Variants in KCNK3 observed in about 807,000 individuals in gnomAD.
KCNK3 encodes potassium two pore domain channel subfamily K member 3, also known as potassium channel subfamily K member 3.
In KCNK3, 9 loss-of-function variants were observed where a neutral mutation model predicts 27.3. The observed-to-expected ratio is 0.33, with a 90% CI of 0.20 to 0.57. The LOEUF (loss-of-function observed/expected upper bound fraction) is 0.57. Among genes scored for constraint, KCNK3 ranks in the 20% least tolerant of loss-of-function variants. The probability of loss-of-function intolerance (pLI) is 0.87; values close to 1 mark genes in which losing one functional copy is unlikely to be tolerated. For missense variants in KCNK3, 391 were observed against 577.7 expected (o/e 0.68, Z 3.31); for synonymous variants, 278 against 273.8 (o/e 1.02, Z -0.15).
chr2:26,709,812 G>C (rs1663070928), intron 1 of KCNK3, among the ~76,000 whole-genome samples: 2 of 152,100 alleles, frequency 1.3e-5, no homozygotes, highest in Admixed American at 1.3e-4. Flanking sequence ...CAAGGCGATG[G>C]GCGCAGGGCT....
chr2:26,704,270 G>A (rs1316145320), intron 1 of KCNK3, among the ~76,000 whole-genome samples: 3 of 152,232 alleles, frequency 2.0e-5, no homozygotes, highest in South Asian at 2.1e-4. Flanking sequence ...GCACCGGGAC[G>A]GTGCTAAGCT....
At chr2:26,720,301 G>A (rs754417650) in intron 1 of KCNK3, among the ~76,000 whole-genome samples, 2 of 152,146 alleles carry the variant, frequency 1.3e-5, no homozygotes, top group South Asian at 2.1e-4. Context: ...GTTGAACTAC[G>A]TTGTCACACC....
intron 1 of KCNK3, among the ~76,000 whole-genome samples, chr2:26,718,019 C>T (rs1178401992): frequency 6.6e-6 from 1 of 152,192 alleles, no homozygotes; most frequent in Admixed American, 6.5e-5. Context: ...GCATCCCACA[C>T]ACCATGCATC....
rs1558607499 is a variant in KCNK3 at position 26,733,067 on chromosome 2, AC to A, written c.*4505del. 1 of 152,056 alleles carries A rather than the reference AC, an allele frequency of 6.6e-6. No homozygotes were observed. Among genetic ancestry groups the A allele is most frequent in the East Asian group, 1.9e-4 (1 of 5,160 alleles). 9.4% of individuals were successfully genotyped at this position (152,056 alleles called of 1,614,324 possible). A position where few individuals can be genotyped will look rare whatever the true frequency, so the allele number is the denominator to read the frequency against. On this transcript the variant is annotated 3_prime_UTR_variant, in exon 2 of 2. Transcript: ENST00000302909. Reference sequence around the variant, plus strand: ...CTTCTCTCCAGATGATGCCATCCCCACCCCCCTCATTTCCACACAGCATCTG... The same window carrying A: ...CTTCTCTCCAGATGATGCCATCCCCACCCCCTCATTTCCACACAGCATCTG...
intron 1 of KCNK3, among the ~76,000 whole-genome samples, 189 bp from the exon 2 acceptor site, chr2:26,727,478 G>A (rs1352554779): frequency 6.6e-6 from 1 of 152,198 alleles, no homozygotes; most frequent in Non-Finnish European, 1.5e-5. Flanking sequence ...TTCTGCAGGT[G>A]TCACAAGAGT....
intron 1 of KCNK3, among the ~76,000 whole-genome samples, chr2:26,714,506 G>A (rs1475217828): frequency 6.7e-6 from 1 of 149,160 alleles, no homozygotes; most frequent in Non-Finnish European, 1.5e-5. Context: ...GGGAGGGGTT[G>A]AGCAGGAAGG....
rs1395205274 is a variant in KCNK3 at position 26,706,950 on chromosome 2, A to G, written c.283+13792A>G. Among the ~76,000 whole-genome samples, 4 of 151,894 alleles carry G rather than the reference A, an allele frequency of 2.6e-5. No individual in the cohort carries two copies. The East Asian group carries it at 7.7e-4, about 29-fold the overall frequency. On this transcript the variant is annotated intron_variant, in intron 1 of 1. Coordinates refer to ENST00000302909, the MANE Select transcript of KCNK3 (RefSeq NM_002246.3). ...GGCTGGTGGCACCTAAAGCCCTTCC[A>G]GTTGGGGCCGTCTCTGTTGCACCTG...
intron 1 of KCNK3, among the ~76,000 whole-genome samples, chr2:26,718,731 C>G (rs1304695435): frequency 2.6e-5 from 4 of 152,124 alleles, no homozygotes; most frequent in African/African-American, 9.7e-5. Flanking sequence ...ACCTCAGACT[C>G]TTGAGTAGCT....
intron 1 of KCNK3, among the ~76,000 whole-genome samples, chr2:26,714,410 G>A (rs1235627197): frequency 1.8e-3 from 2 of 1,124 alleles, no homozygotes; most frequent in Non-Finnish European, 4.8e-3. Flanking sequence ...GGATTCAACA[G>A]GAATGGCCCT....
chr2:26,708,770 AC>A (rs1215302890), intron 1 of KCNK3, among the ~76,000 whole-genome samples: 3 of 152,234 alleles, frequency 2.0e-5, no homozygotes, highest in Non-Finnish European at 4.4e-5. Context: ...ATGTGACATG[AC>A]TTAAATTTTT....
At position 26,728,433 on chromosome 2, in the gene KCNK3, C is replaced by A. The variant is rs916938508; in HGVS notation, c.1050C>A (p.Gly350=). Residue 350 remains glycine, a synonymous_variant, in exon 2 of 2, where the codon GGC becomes GGA. Coordinates refer to ENST00000302909, the MANE Select transcript of KCNK3 (RefSeq NM_002246.3). ...AGAGCCACTCGTCGCCGGGAGGGGGCGGCCGCTACAGCGACACGCCCTCGC... is the reference window on the plus strand; with the variant it reads ...AGAGCCACTCGTCGCCGGGAGGGGGAGGCCGCTACAGCGACACGCCCTCGC... The part of the protein sequence containing the change: ...VEQSHSSPGG[G]GRYSDTPSRR... 1.9e-6 allele frequency: 3 copies of A among 1,589,988 alleles called. No homozygotes were observed. The highest frequency in any genetic ancestry group is 2.6e-6 in the Non-Finnish European group (3 of 1,165,256).
In KCNK3 at chr2:26,730,982, C is replaced by T. The variant is rs1631026; in HGVS notation, c.*2414C>T. On this transcript the variant is annotated 3_prime_UTR_variant, in exon 2 of 2. Coordinates refer to ENST00000302909, the MANE Select transcript of KCNK3 (RefSeq NM_002246.3). ...GCTTCCCCCTCACTCCCTTTCACTG[C>T]AGGCAGCCTCTCTGCTTCCCCAATG... is the stretch of plus-strand genomic sequence containing the variant. The T allele has an allele frequency of 0.57, 86,549 of 152,406 alleles. 26,016 individuals are homozygous for T. The highest frequency in any genetic ancestry group is 0.8 in the East Asian group (4,135 of 5,164). The allele number at this position is 152,406 out of a possible 1,614,324, so 9.4% of individuals were successfully genotyped here. A position where few individuals can be genotyped will look rare whatever the true frequency, so the allele number is the denominator to read the frequency against.
intron 1 of KCNK3, among the ~76,000 whole-genome samples, chr2:26,707,055 C>T (rs1300539303): frequency 3.3e-5 from 5 of 152,152 alleles, no homozygotes; most frequent in African/African-American, 1.2e-4. Context: ...CCATGCTGTC[C>T]GAGCCCTGAA....
rs1319792189 is a variant in KCNK3, at chr2:26,720,909, G to C, written c.284-6758G>C. Reference sequence around the variant, plus strand: ...CCCTACCCCAGCTCCATGAGACCCGGTGGTTCCCAGGCCTAGCTAGGGGCT... The same window carrying C: ...CCCTACCCCAGCTCCATGAGACCCGCTGGTTCCCAGGCCTAGCTAGGGGCT... On this transcript the variant is annotated intron_variant, in intron 1 of 1. Coordinates refer to ENST00000302909, the MANE Select transcript of KCNK3 (RefSeq NM_002246.3). 1.1e-4 allele frequency among the ~76,000 whole-genome samples: 16 copies of C among 152,278 alleles called. 1 individual carries two copies. The highest frequency in any genetic ancestry group is 5.9e-5 in the Non-Finnish European group (4 of 68,026).
Position 26,728,369 on chromosome 2 carries a change from T to C in KCNK3, c.986T>C (p.Ile329Thr). 1 of 1,607,752 alleles carries C rather than the reference T, an allele frequency of 6.2e-7. No individual in the cohort carries two copies. The highest frequency in any genetic ancestry group is 8.5e-7 in the Non-Finnish European group (1 of 1,177,586). ...CTGCAGTACTCCATCCCCATGATCATCCCGCGGGACCTCTCCACGTCCGAC... is the reference window on the plus strand; with the variant it reads ...CTGCAGTACTCCATCCCCATGATCACCCCGCGGGACCTCTCCACGTCCGAC... ...EKLQYSIPMI[I>T]PRDLSTSDTC... Residue 329 changes from isoleucine to threonine, a missense_variant, in exon 2 of 2, where the codon ATC (isoleucine) becomes ACC (threonine). Coordinates refer to ENST00000302909, the MANE Select transcript of KCNK3 (RefSeq NM_002246.3).
rs1201265102 is a variant in KCNK3 at position 26,729,292 on chromosome 2, A to G, written c.*724A>G. The G allele has an allele frequency of 1.3e-5, 2 of 152,350 alleles. No individual in the cohort carries two copies. The highest frequency in any genetic ancestry group is 2.4e-5 in the African/African-American group (1 of 41,464). The allele number at this position is 152,350 out of a possible 1,614,324, so 9.4% of individuals were successfully genotyped here. A position where few individuals can be genotyped will look rare whatever the true frequency, so the allele number is the denominator to read the frequency against. On this transcript the variant is annotated 3_prime_UTR_variant, in exon 2 of 2. Coordinates refer to ENST00000302909, the MANE Select transcript of KCNK3 (RefSeq NM_002246.3). ...CTCCAGCCACATTCTCATAGCAGGT[A>G]GGACTTCAGCCTTCCAGACACTGCC...
rs1390495428 is a variant in KCNK3, at chr2:26,730,910, GT to G, written c.*2344del. The G allele has an allele frequency of 6.5e-6, 1 of 152,706 alleles. No homozygotes were observed. The highest frequency in any genetic ancestry group is 6.5e-5 in the Admixed American group (1 of 15,286). 9.5% of individuals were successfully genotyped at this position (152,706 alleles called of 1,614,324 possible). A position where few individuals can be genotyped will look rare whatever the true frequency, so the allele number is the denominator to read the frequency against. ...GCCGTGGGGCACAGCGTGGCAGACT[GT>G]TCAGTCTCTGCTGGGTCTTTCCTAG... On this transcript the variant is annotated 3_prime_UTR_variant, in exon 2 of 2. Transcript: ENST00000302909.
At position 26,732,700 on chromosome 2, in the gene KCNK3, C is replaced by T. The variant is rs908577989; in HGVS notation, c.*4132C>T. 6.6e-6 allele frequency: 1 copy of T among 152,294 alleles called. No homozygotes were observed. Among genetic ancestry groups the T allele is most frequent in the Non-Finnish European group, 1.5e-5 (1 of 68,062 alleles). 9.4% of individuals were successfully genotyped at this position (152,294 alleles called of 1,614,324 possible). A position where few individuals can be genotyped will look rare whatever the true frequency, so the allele number is the denominator to read the frequency against. ...CACATCAAAATCTGAGGCTTACTGCCCTGTCCCACCTGCCTCTGTCTTTCT... is the reference window on the plus strand; with the variant it reads ...CACATCAAAATCTGAGGCTTACTGCTCTGTCCCACCTGCCTCTGTCTTTCT... On this transcript the variant is annotated 3_prime_UTR_variant, in exon 2 of 2. Transcript: ENST00000302909.
chr2:26,720,285 G>A (rs1263288596), intron 1 of KCNK3, among the ~76,000 whole-genome samples: 1 of 152,118 alleles, frequency 6.6e-6, no homozygotes, highest in African/African-American at 2.4e-5. Context: ...AACAAAAAAC[G>A]AGTGGGTTGA....
Sources: gnomAD v4.1 joint callset for allele counts (sites outside exome capture counted in the v4.1 genomes callset) on GRCh38, gnomAD v4.1.1 for gene constraint, MANE v1.5 for transcripts, NCBI Gene and HGNC (gene_info 2026-07-23, HGNC 2026-07-21) for gene names.